PHF14: variants seen among roughly 807,000 people sequenced by gnomAD.
The protein encoded by PHF14 is PHD finger protein 14.
PHF14 carries 55 observed loss-of-function variants against 117.9 expected under a neutral mutation model. The ratio of observed to expected loss-of-function variants is 0.47; its 90% confidence interval spans 0.38 to 0.58. The LOEUF (loss-of-function observed/expected upper bound fraction) is 0.58. Among genes scored for constraint, PHF14 ranks in the 20% least tolerant of loss-of-function variants. PHF14 has a pLI of 0.00. For synonymous variants in PHF14, 409 were observed against 368.6 expected (o/e 1.11, Z -1.26); for missense variants, 978 against 1,122.2 (o/e 0.87, Z 1.84).
chr7:11,037,135 CTGA>C (rs1784343633), intron 10 of PHF14, 44 bp downstream of exon 10: 2 of 1,417,386 alleles, frequency 1.4e-6, no homozygotes, highest in Admixed American at 5.8e-5. Context: ...ATAGATCTTA[CTGA>C]TGATTTCTTT....
intron 16 of PHF14, chr7:11,103,788 A>G (rs541976570): frequency 4.1e-6 from 4 of 985,130 alleles, no homozygotes; most frequent in East Asian, 2.3e-4. Context: ...GAGGAACGCT[A>G]TGATTGGATG....
At chr7:11,024,852 T>C (rs1342796440) in intron 6 of PHF14, among the ~76,000 whole-genome samples, 1 of 152,216 alleles carries the variant, frequency 6.6e-6, no homozygotes, top group Non-Finnish European at 1.5e-5. Context: ...CTGAAGCCCA[T>C]GGATCAAGGA....
At chr7:11,004,246 C>CAAAAA (rs55917513) in intron 4 of PHF14, among the ~76,000 whole-genome samples, 1,740 of 46,842 alleles carry the variant, frequency 0.037, 14 homozygotes, top group African/African-American at 0.051. Context: ...GACTTTGTCT[C>CAAAAA]AAAAAAAAAA....
rs1583414316 is a variant in PHF14, at chr7:11,051,788, A to T, written c.2481+8A>T. 2 of 1,611,308 alleles carry T rather than the reference A, an allele frequency of 1.2e-6. No homozygotes were observed. The highest frequency in any genetic ancestry group is 3.3e-4 in the Middle Eastern group (2 of 6,052). ...ATTCCGATAAGAAACACGGTAGTTT[A>T]TTTTTTATTTATCATAAGCATCATA... On this transcript the variant is annotated splice_region_variant and intron_variant, in intron 14 of 17. Transcript: ENST00000634607.
chr7:10,984,964 A>G (rs577936281), intron 3 of PHF14, among the ~76,000 whole-genome samples: 3 of 152,304 alleles, frequency 2.0e-5, no homozygotes, highest in African/African-American at 7.2e-5. Context: ...AAGAGATTAT[A>G]AAAAGGTACT....
intron 16 of PHF14, among the ~76,000 whole-genome samples, chr7:11,081,855 CAA>C (rs1270601028): frequency 1.7e-5 from 2 of 115,068 alleles, no homozygotes; most frequent in Non-Finnish European, 1.9e-5. Context: ...GACTCCGTCT[CAA>C]AAAAAAAAAA....
intron 3 of PHF14, among the ~76,000 whole-genome samples, chr7:10,984,319 A>G (rs1273689024): frequency 6.6e-6 from 1 of 152,176 alleles, no homozygotes; most frequent in Non-Finnish European, 1.5e-5. Context: ...TATTTGGATT[A>G]TAAACATTGG....
intron 13 of PHF14, among the ~76,000 whole-genome samples, chr7:11,047,863 GA>G (rs1784726182): frequency 2.5e-5 from 2 of 81,406 alleles, no homozygotes; most frequent in Non-Finnish European, 2.4e-5. Context: ...GGGAGGGCGG[GA>G]AAAAGAGAGG....
chr7:11,098,604 G>T (rs1208802708), intron 16 of PHF14, among the ~76,000 whole-genome samples: 2 of 152,116 alleles, frequency 1.3e-5, no homozygotes, highest in Non-Finnish European at 2.9e-5. Context: ...GTGCACCATT[G>T]TCCTCACTAA....
chr7:11,004,482 A>G (rs560438849), intron 4 of PHF14, among the ~76,000 whole-genome samples: 13 of 151,842 alleles, frequency 8.6e-5, no homozygotes, highest in Admixed American at 4.6e-4. Flanking sequence ...TCCACACCCC[A>G]CAGGATCCAT....
rs566478483 is a variant in PHF14 at position 10,984,591 on chromosome 7, C to T, written c.900+1432C>T. ...TAATGAATAAGTTTACTTTTGACCA[C>T]ATCACTTTCTTCATTTTTATTAGGT... On this transcript the variant is annotated intron_variant, in intron 3 of 17. Transcript: ENST00000634607. Among the ~76,000 whole-genome samples the T allele has an allele frequency of 4.5e-4, 68 of 152,248 alleles. No homozygotes were observed. In the South Asian group the frequency reaches 6.6e-3, roughly 15 times the overall value.
intron 13 of PHF14, 110 bp downstream of exon 13, chr7:11,042,924 A>C: frequency 1.4e-6 from 1 of 729,400 alleles, no homozygotes; most frequent in Non-Finnish European, 2.2e-6. Context: ...CACATTTTAA[A>C]ATTGACTGTC....
intron 17 of PHF14, among the ~76,000 whole-genome samples, chr7:11,151,625 T>C (rs1040850925): frequency 5.9e-5 from 9 of 152,188 alleles, no homozygotes; most frequent in Non-Finnish European, 1.3e-4. Context: ...GTCAGAGTTT[T>C]GTAGTCAATT....
intron 17 of PHF14, among the ~76,000 whole-genome samples, chr7:11,140,628 A>T (rs1461539203): frequency 6.6e-6 from 1 of 152,146 alleles, no homozygotes; most frequent in African/African-American, 2.4e-5. Context: ...GAAATAATAT[A>T]ATCCATAACT....
intron 12 of PHF14, among the ~76,000 whole-genome samples, chr7:11,041,951 A>G (rs955616733): frequency 6.6e-6 from 1 of 151,696 alleles, no homozygotes; most frequent in South Asian, 2.1e-4. Flanking sequence ...ATATAAATAT[A>G]CTTTAGATTT....
chr7:11,007,878 TG>T (rs1366439543), intron 4 of PHF14, among the ~76,000 whole-genome samples: 1 of 152,242 alleles, frequency 6.6e-6, no homozygotes, highest in Non-Finnish European at 1.5e-5. Context: ...TTTCGCTTAT[TG>T]AATTTATAAT....
intron 16 of PHF14, among the ~76,000 whole-genome samples, chr7:11,097,965 G>A (rs1035191033): frequency 2.0e-5 from 3 of 151,484 alleles, no homozygotes; most frequent in Admixed American, 2.0e-4. Flanking sequence ...GAGTGTATTT[G>A]AAGCTATATA....
At chr7:11,151,753 C>T (rs1344178788) in intron 17 of PHF14, among the ~76,000 whole-genome samples, 1 of 151,966 alleles carries the variant, frequency 6.6e-6, no homozygotes, top group Non-Finnish European at 1.5e-5. Flanking sequence ...CTTCTTCTTA[C>T]AAATAAAGGC....
At chr7:11,052,239 A>G (rs1465190132) in intron 14 of PHF14, among the ~76,000 whole-genome samples, 1 of 152,200 alleles carries the variant, frequency 6.6e-6, no homozygotes, top group African/African-American at 2.4e-5. Context: ...ATGGAATCAA[A>G]TGTTTTTCTC....
Sources: gnomAD v4.1 joint callset for allele counts (sites outside exome capture counted in the v4.1 genomes callset) on GRCh38, gnomAD v4.1.1 for gene constraint, MANE v1.5 for transcripts, NCBI Gene and HGNC (gene_info 2026-07-23, HGNC 2026-07-21) for gene names.